Variants in WWOX observed in about 807,000 individuals in gnomAD.
WWOX encodes the protein WW domain containing oxidoreductase, also known as WW domain-containing oxidoreductase.
WWOX carries 69 observed loss-of-function variants against 46.2 expected under a neutral mutation model. The observed-to-expected ratio is 1.49, with a 90% CI of 1.23 to 1.82. The LOEUF (loss-of-function observed/expected upper bound fraction) is 1.82. WWOX is among the 40% of genes most tolerant of loss of function. The pLI is 0.00. For missense variants in WWOX, 919 were observed against 542.6 expected (o/e 1.69, Z -6.89); for synonymous variants, 359 against 202.6 (o/e 1.77, Z -6.56).
intron 8 of WWOX, among the ~76,000 whole-genome samples, chr16:78,598,481 T>G (rs947340233): frequency 6.6e-6 from 1 of 152,186 alleles, no homozygotes; most frequent in Non-Finnish European, 1.5e-5. Flanking sequence ...CATTTTGCTC[T>G]GATACAATTC....
intron 5 of WWOX, among the ~76,000 whole-genome samples, chr16:78,336,645 C>G (rs912035345): frequency 5.9e-5 from 9 of 152,010 alleles, no homozygotes; most frequent in African/African-American, 1.7e-4. Context: ...GTAAGGACTT[C>G]TTAGTTCCAG....
intron 8 of WWOX, among the ~76,000 whole-genome samples, chr16:78,462,335 A>G (rs1340964063): frequency 6.6e-6 from 1 of 151,536 alleles, no homozygotes; most frequent in Middle Eastern, 3.2e-3. Flanking sequence ...GAGGGCTGTG[A>G]TTCTATTAGC....
Position 78,919,487 on chromosome 16 carries a change from G to T in WWOX, c.1057-292121G>T, listed in dbSNP as rs369362015. Reference sequence around the variant, plus strand: ...TAACAGCAATCAGTCCCCTTAAGTGGCTTTCTTCTCTTTTTTTTCTTTTAT... The same window carrying T: ...TAACAGCAATCAGTCCCCTTAAGTGTCTTTCTTCTCTTTTTTTTCTTTTAT... On this transcript the variant is annotated intron_variant, in intron 8 of 8. Coordinates refer to ENST00000566780, the MANE Select transcript of WWOX (RefSeq NM_016373.4). Among the ~76,000 whole-genome samples the T allele has an allele frequency of 1.0e-4, 15 of 150,706 alleles. No individual in the cohort carries two copies. In the East Asian group the frequency reaches 1.8e-3, roughly 18 times the overall value.
chr16:78,324,828 A>G (rs2080574606), intron 5 of WWOX, among the ~76,000 whole-genome samples: 1 of 152,118 alleles, frequency 6.6e-6, no homozygotes, highest in Admixed American at 6.6e-5. Context: ...AAGGTGATGA[A>G]AATGTTTTGC....
At chr16:79,003,993 G>A (rs2047144296) in intron 8 of WWOX, among the ~76,000 whole-genome samples, 1 of 152,166 alleles carries the variant, frequency 6.6e-6, no homozygotes, top group East Asian at 1.9e-4. Context: ...ACTCTGCAAT[G>A]CTGAGTACTT....
chr16:79,073,546 C>T (rs1597348890), intron 8 of WWOX, among the ~76,000 whole-genome samples: 1 of 152,156 alleles, frequency 6.6e-6, no homozygotes, highest in South Asian at 2.1e-4. Context: ...CTCCTACAGA[C>T]AGCCGTAGAC....
chr16:78,229,906 A>T (rs2037197158), intron 5 of WWOX, among the ~76,000 whole-genome samples: 1 of 151,112 alleles, frequency 6.6e-6, no homozygotes, highest in African/African-American at 2.4e-5. Context: ...TCTAAACAGG[A>T]TCTCACTCTG....
rs1202864606 is a variant in WWOX at position 79,212,653 on chromosome 16, CAT to C, written c.*858_*859del. 6.7e-6 allele frequency: 1 copy of C among 148,938 alleles called. No homozygotes were observed. Among genetic ancestry groups the C allele is most frequent in the Non-Finnish European group, 1.5e-5 (1 of 65,624 alleles). 9.2% of individuals were successfully genotyped at this position (148,938 alleles called of 1,614,324 possible). On this transcript the variant is annotated 3_prime_UTR_variant, in exon 9 of 9. Transcript: ENST00000566780. Reference sequence around the variant, plus strand: ...TCGCATCCTATGCTTAATAAAAGAACATGCTTGAATATCATCACCTGAAGTTT... The same window carrying C: ...TCGCATCCTATGCTTAATAAAAGAACGCTTGAATATCATCACCTGAAGTTT...
At chr16:78,280,339 C>T (rs1821764236) in intron 5 of WWOX, among the ~76,000 whole-genome samples, 1 of 152,138 alleles carries the variant, frequency 6.6e-6, no homozygotes, top group Non-Finnish European at 1.5e-5. Flanking sequence ...TTAAGATTAA[C>T]ATATTAACAG....
At position 79,004,583 on chromosome 16, in the gene WWOX, G is replaced by C. The variant is rs546290779; in HGVS notation, c.1057-207025G>C. On this transcript the variant is annotated intron_variant, in intron 8 of 8. Transcript: ENST00000566780. ...GCATTGCGATCCCTTCAGGCCTCTG[G>C]CTTGCAGGTTCCTGTTCAACCCTCT... The C allele has an allele frequency of 3.9e-5, 6 of 152,358 alleles. No individual in the cohort carries two copies. The South Asian group carries it at 1.2e-3, about 32-fold the overall frequency. The allele number at this position is 152,358 out of a possible 1,614,324, so 9.4% of individuals were successfully genotyped here.
chr16:78,328,893 G>C (rs948341428), intron 5 of WWOX, among the ~76,000 whole-genome samples: 5 of 151,224 alleles, frequency 3.3e-5, no homozygotes, highest in Admixed American at 6.6e-5. Flanking sequence ...TAACAGTCTT[G>C]CTCTGTCTTC....
chr16:78,741,709 G>T (rs147852174), intron 8 of WWOX, among the ~76,000 whole-genome samples: 1 of 151,874 alleles, frequency 6.6e-6, no homozygotes, highest in South Asian at 2.1e-4. Flanking sequence ...ACAGAAATCA[G>T]TGGGGCATGG....
At chr16:78,832,246 C>T (rs1384935482) in intron 8 of WWOX, among the ~76,000 whole-genome samples, 1 of 152,148 alleles carries the variant, frequency 6.6e-6, no homozygotes, top group Non-Finnish European at 1.5e-5. Context: ...CTCAGTTCTT[C>T]ACCATGGGGG....
rs34109327 is a variant in WWOX at position 79,096,625 on chromosome 16, G to C, written c.1057-114983G>C. Among the ~76,000 whole-genome samples the C allele has an allele frequency of 9.8e-3, 1,485 of 152,206 alleles. 12 individuals carry two copies. The highest frequency in any genetic ancestry group is 0.012 in the Non-Finnish European group (850 of 68,008). ...GCAGCACCTCTGACCCCCTTCACCT[G>C]CTTTATTTTTCTCCATATTATCATT... On this transcript the variant is annotated intron_variant, in intron 8 of 8. Transcript: ENST00000566780.
chr16:78,987,137 C>G (rs1205617188), intron 8 of WWOX, among the ~76,000 whole-genome samples: 3 of 152,168 alleles, frequency 2.0e-5, no homozygotes, highest in African/African-American at 7.2e-5. Flanking sequence ...TCCAATATTT[C>G]TCATTTGTAA....
At chr16:78,330,521 C>G (rs951123682) in intron 5 of WWOX, among the ~76,000 whole-genome samples, 1 of 152,056 alleles carries the variant, frequency 6.6e-6, no homozygotes, top group African/African-American at 2.4e-5. Context: ...CTCAGCCTCC[C>G]GAGTAGGTGA....
intron 8 of WWOX, among the ~76,000 whole-genome samples, chr16:78,598,086 T>C (rs2045533049): frequency 6.6e-6 from 1 of 152,220 alleles, no homozygotes; most frequent in African/African-American, 2.4e-5. Context: ...ATGAAGATTT[T>C]AGTCAATGTG....
chr16:78,750,892 C>A (rs1298203685), intron 8 of WWOX, among the ~76,000 whole-genome samples: 2 of 152,184 alleles, frequency 1.3e-5, no homozygotes, highest in Admixed American at 1.3e-4. Flanking sequence ...ACTAATCCAC[C>A]ATTGATGGGC....
intron 8 of WWOX, among the ~76,000 whole-genome samples, chr16:78,900,257 G>C (rs1436433426): frequency 6.6e-6 from 1 of 151,864 alleles, no homozygotes; most frequent in African/African-American, 2.4e-5. Context: ...TTTTGTGTCA[G>C]CTCAGACACT....
Sources: allele counts gnomAD v4.1 joint callset (sites outside exome capture counted in the v4.1 genomes callset), GRCh38; gene constraint gnomAD v4.1.1; transcripts MANE v1.5; gene names NCBI Gene and HGNC (gene_info 2026-07-23, HGNC 2026-07-21).